CNOT6: variants seen among roughly 807,000 people sequenced by gnomAD.
The protein encoded by CNOT6 is CCR4-NOT transcription complex subunit 6.
A neutral mutation model predicts 61.2 loss-of-function variants in CNOT6; 12 were observed. The observed-to-expected ratio is 0.20, with a 90% CI of 0.13 to 0.32. The LOEUF (loss-of-function observed/expected upper bound fraction) is 0.32. Among genes scored for constraint, CNOT6 ranks in the 10% least tolerant of loss-of-function variants. The pLI is 1.00. For synonymous variants in CNOT6, 225 were observed against 240.6 expected, an observed-to-expected ratio of 0.94 and a Z score of 0.60; for missense variants, 405 against 663.9, an observed-to-expected ratio of 0.61 and a Z score of 4.28.
chr5:180,559,820 A>G (rs1044990221), intron 4 of CNOT6, among the ~76,000 whole-genome samples: 3 of 152,004 alleles, frequency 2.0e-5, no homozygotes, highest in East Asian at 3.9e-4. Flanking sequence ...ACCACAGTCT[A>G]TTGGGGGTTA....
chr5:180,567,741 G>C, intron 8 of CNOT6, 108 bp from the exon 9 acceptor site: 2 of 1,445,064 alleles, frequency 1.4e-6, no homozygotes, highest in East Asian at 4.6e-5. Flanking sequence ...TGTGATTTAA[G>C]TGCCATCGTA....
intron 1 of CNOT6, among the ~76,000 whole-genome samples, chr5:180,497,606 GA>G (rs1756671802): frequency 6.6e-6 from 1 of 152,118 alleles, no homozygotes; most frequent in Admixed American, 6.5e-5. Flanking sequence ...TATTACTTTG[GA>G]AAAGTCCTAA....
intron 4 of CNOT6, among the ~76,000 whole-genome samples, chr5:180,560,989 G>T (rs1263425889): frequency 1.3e-5 from 2 of 151,928 alleles, no homozygotes; most frequent in Non-Finnish European, 2.9e-5. Flanking sequence ...AAGAGACGAG[G>T]TCTCGGGCTG....
At chr5:180,555,608 A>C (rs1759843356) in intron 4 of CNOT6, among the ~76,000 whole-genome samples, 1 of 152,140 alleles carries the variant, frequency 6.6e-6, no homozygotes. Context: ...TGCAGTTTAC[A>C]CTTTAATTCT....
At chr5:180,506,387 C>T (rs1757132938) in intron 1 of CNOT6, among the ~76,000 whole-genome samples, 1 of 152,206 alleles carries the variant, frequency 6.6e-6, no homozygotes, top group Non-Finnish European at 1.5e-5. Flanking sequence ...TCCGGACCTT[C>T]TTTCTTTATG....
Position 180,494,746 on chromosome 5 carries a change from G to A in CNOT6, c.-20G>A, listed in dbSNP as rs1012752172. The A allele has an allele frequency of 6.5e-6, 1 of 152,770 alleles. No individual in the cohort carries two copies. The highest frequency in any genetic ancestry group is 2.4e-5 in the African/African-American group (1 of 41,328). 9.5% of individuals were successfully genotyped at this position (152,770 alleles called of 1,614,324 possible). ...GGAGGAGGCGGCAGCGGCGGAGGAA[G>A]GCGGCGCACCCCGAGAGGTGAGCGA... On this transcript the variant is annotated 5_prime_UTR_variant, in exon 1 of 12. Coordinates refer to ENST00000261951, the MANE Select transcript of CNOT6 (RefSeq NM_001370472.1).
chr5:180,526,646 T>G (rs13174480), intron 1 of CNOT6, among the ~76,000 whole-genome samples: 41,320 of 152,044 alleles, frequency 0.27, 6,205 homozygotes, highest in Middle Eastern at 0.41. Flanking sequence ...GCTGACTGGC[T>G]CACTTTAAAC....
At chr5:180,498,244 A>G (rs1581456205) in intron 1 of CNOT6, among the ~76,000 whole-genome samples, 3 of 152,072 alleles carry the variant, frequency 2.0e-5, no homozygotes, top group Admixed American at 2.0e-4. Flanking sequence ...TCCTTCATCC[A>G]TTTATATTTT....
chr5:180,503,664 G>GGC (rs1756994275), intron 1 of CNOT6, among the ~76,000 whole-genome samples: 1 of 145,034 alleles, frequency 6.9e-6, no homozygotes, highest in Admixed American at 7.1e-5. Flanking sequence ...GGAGTGCAGG[G>GGC]GCGCCATCTT....
Position 180,564,564 on chromosome 5 carries a change from T to A in CNOT6, c.461T>A (p.Leu154His), listed in dbSNP as rs1332282983. Residue 154 changes from leucine (L) to histidine (H), a missense_variant, in exon 5 of 12, where the codon CTT (leucine) becomes CAT (histidine). By Grantham distance (99) the Leu-to-His change is moderately conservative. Transcript: ENST00000261951. ...ACAAGACGGCTGCTGAACTATTTGC[T>A]TGATAATTTGTCAGGTACTGCAAAA... ...DGTRRLLNYL[L>H]DNLSGTAKRI... is the part of the protein sequence containing the mutation. 6.2e-7 allele frequency: 1 copy of A among 1,614,018 alleles called. No homozygotes were observed. The highest frequency in any genetic ancestry group is 1.3e-5 in the African/African-American group (1 of 75,052).
intron 4 of CNOT6, among the ~76,000 whole-genome samples, chr5:180,555,031 G>GAGT (rs1427009376): frequency 6.7e-6 from 1 of 149,858 alleles, no homozygotes; most frequent in East Asian, 1.9e-4. Flanking sequence ...TTTTGAGAGA[G>GAGT]AGTCTCTTGT....
intron 2 of CNOT6, among the ~76,000 whole-genome samples, chr5:180,531,577 C>T (rs1335896156): frequency 1.3e-5 from 2 of 152,016 alleles, no homozygotes; most frequent in South Asian, 2.1e-4. Flanking sequence ...ACTTCCCAGA[C>T]GGGGTGGCGG....
Position 180,565,923 on chromosome 5 carries a change from A to G in CNOT6, c.663A>G (p.Lys221=). 1 of 1,614,074 alleles carries G rather than the reference A, an allele frequency of 6.2e-7. No individual in the cohort carries two copies. The highest frequency in any genetic ancestry group is 8.5e-7 in the Non-Finnish European group (1 of 1,179,968). Residue 221 remains lysine (K), a synonymous_variant, in exon 7 of 12, where the codon AAA becomes AAG. Transcript: ENST00000261951. ...PSWALNWDYR[K]KAIIQEILSC... Reference sequence around the variant, plus strand: ...GGGCGCTAAACTGGGACTACAGGAAAAAGGCCATTATTCAAGAAATCTTGA... The same window carrying G: ...GGGCGCTAAACTGGGACTACAGGAAGAAGGCCATTATTCAAGAAATCTTGA...
intron 1 of CNOT6, among the ~76,000 whole-genome samples, chr5:180,522,688 G>C (rs1180429931): frequency 6.6e-6 from 1 of 151,622 alleles, no homozygotes; most frequent in Non-Finnish European, 1.5e-5. Context: ...TCTCACTCTT[G>C]CCCACGCTGG....
intron 4 of CNOT6, among the ~76,000 whole-genome samples, chr5:180,553,794 C>A (rs1581549297): frequency 6.6e-6 from 1 of 151,878 alleles, no homozygotes; most frequent in South Asian, 2.1e-4. Context: ...AGATTCAAAT[C>A]TCAAAAAACA....
chr5:180,503,567 A>G (rs1290633060), intron 1 of CNOT6, among the ~76,000 whole-genome samples: 2 of 124,468 alleles, frequency 1.6e-5, no homozygotes, highest in African/African-American at 6.1e-5. Context: ...CCCCGGCCCC[A>G]GTTTGTATTC....
chr5:180,576,645 T>A lies in CNOT6; in HGVS notation c.*2445T>A, dbSNP rs760115061. 13 of 152,112 alleles carry A rather than the reference T, an allele frequency of 8.5e-5. No homozygotes were observed. The highest frequency in any genetic ancestry group is 1.5e-4 in the Non-Finnish European group (10 of 67,958). 9.4% of individuals were successfully genotyped at this position (152,112 alleles called of 1,614,324 possible). ...TGAACCAAGAGTGTAGATTTACAAG[T>A]GTAACCTTCAAAAGAGGAAGAACTA... On this transcript the variant is annotated 3_prime_UTR_variant, in exon 12 of 12. Transcript: ENST00000261951.
At chr5:180,541,440 AATTTTTTTTTTTT>A (rs1425411102) in intron 2 of CNOT6, among the ~76,000 whole-genome samples, 4 of 102,928 alleles carry the variant, frequency 3.9e-5, no homozygotes, top group Non-Finnish European at 5.9e-5. Flanking sequence ...CTGGCCAAGA[AATTTTTTTTTTTT>A]TTTTTTTTTT....
chr5:180,524,803 C>T (rs1055548755), intron 1 of CNOT6, among the ~76,000 whole-genome samples: 113 of 152,284 alleles, frequency 7.4e-4, no homozygotes, highest in African/African-American at 2.6e-3. Flanking sequence ...ATACTAATCT[C>T]AGCTGGTCAG....
Sources: allele counts gnomAD v4.1 joint callset (sites outside exome capture counted in the v4.1 genomes callset), GRCh38; gene constraint gnomAD v4.1.1; transcripts MANE v1.5; gene names NCBI Gene and HGNC (gene_info 2026-07-23, HGNC 2026-07-21).